LETMD1: variants seen among roughly 807,000 people sequenced by gnomAD.
LETMD1 encodes LETM1 domain-containing protein 1.
Under a neutral mutation model 43.9 loss-of-function variants are expected in LETMD1, and 30 were observed. The observed-to-expected ratio is 0.68, with a 90% confidence interval of 0.51 to 0.93. The LOEUF (loss-of-function observed/expected upper bound fraction) is 0.93. Among genes scored for constraint, LETMD1 ranks in the 40% least tolerant of loss-of-function variants. The probability of loss-of-function intolerance (pLI) is 0.00; values close to 1 mark genes in which losing one functional copy is unlikely to be tolerated. For synonymous variants in LETMD1, 176 were observed against 163.1 expected, an observed-to-expected ratio of 1.08 and a Z score of -0.60; for missense variants, 413 against 447.7, an observed-to-expected ratio of 0.92 and a Z score of 0.70.
intron 4 of LETMD1, 40 bp from the exon 5 acceptor site, chr12:51,055,795 C>G (rs763447360): frequency 3.0e-5 from 44 of 1,474,604 alleles, no homozygotes; most frequent in Non-Finnish European, 4.0e-5. Flanking sequence ...TGAAAGAAGC[C>G]AGTTTCAGCA....
chr12:51,068,205 G>A, the LETMD1 span, among the ~76,000 whole-genome samples: 2 of 152,086 alleles, frequency 1.3e-5, no homozygotes, highest in African/African-American at 2.4e-5. Flanking sequence ...TCGTCCAGGC[G>A]GGAGTGCAGT....
At chr12:51,067,572 G>A in the LETMD1 span, 1 of 1,161,132 alleles carries the variant, frequency 8.6e-7, no homozygotes, top group South Asian at 1.4e-5. The surrounding 1 kb of genome is among the most constrained non-coding windows in gnomAD (Gnocchi z 4.1). Context: ...CACAACCATA[G>A]GGAATCCACC....
At chr12:51,055,598 G>A (rs1046734431) in intron 4 of LETMD1, 2 of 374,930 alleles carry the variant, frequency 5.3e-6, no homozygotes, top group East Asian at 4.6e-5. Flanking sequence ...CTAGGAGGTC[G>A]AGGCTGCAGT....
At position 51,048,470 on chromosome 12, in the gene LETMD1, G is replaced by A. The variant is rs1400631693; in HGVS notation, c.114G>A (p.Gly38=). ...LQLGRSGLAW[G]APRSSKLHLS... is the part of the protein sequence containing the mutation. ...TTGGTCGCTCTGGCCTGGCTTGGGG[G>A]GCCCCTCGGTGAGGGACCTGTAGCG... Residue 38 remains glycine (G), a synonymous_variant, in exon 1 of 9, where the codon GGG becomes GGA. Coordinates refer to ENST00000262055, the MANE Select transcript of LETMD1 (RefSeq NM_015416.5). 1 of 1,613,490 alleles carries A rather than the reference G, an allele frequency of 6.2e-7. No homozygotes were observed. Among genetic ancestry groups the A allele is most frequent in the African/African-American group, 1.3e-5 (1 of 74,914 alleles).
intron 6 of LETMD1, 46 bp downstream of exon 6, chr12:51,056,291 C>A: frequency 6.2e-7 from 1 of 1,613,376 alleles, no homozygotes; most frequent in East Asian, 2.2e-5. Flanking sequence ...CACCATGTTT[C>A]AGGTGTTTGC....
At chr12:51,060,920 A>AAAG (rs1201228427), downstream of LETMD1, among the ~76,000 whole-genome samples, 1 of 151,718 alleles carries the variant, frequency 6.6e-6, no homozygotes, top group East Asian at 1.9e-4. Flanking sequence ...AAAAAAAAAA[A>AAAG]AAGTTAATGG....
chr12:51,062,249 T>C (rs898259751), downstream of LETMD1: 34 of 151,854 alleles, frequency 2.2e-4, no homozygotes, highest in African/African-American at 7.7e-4. Flanking sequence ...TAAGTAGGAG[T>C]AGTGTCTCCC....
intron 7 of LETMD1, 37 bp downstream of exon 7, chr12:51,056,539 G>T: frequency 1.2e-6 from 2 of 1,613,148 alleles, no homozygotes; most frequent in Non-Finnish European, 1.7e-6. Context: ...CTCAACCCTT[G>T]GTGTGCTTTT....
At chr12:51,067,412 G>A in the LETMD1 span, among the ~76,000 whole-genome samples, 25 of 152,210 alleles carry the variant, frequency 1.6e-4, no homozygotes, top group Middle Eastern at 0.014. This position sits in a 1 kb window ranked among gnomAD's most constrained non-coding sequence, Gnocchi z 4.1. Flanking sequence ...TGTGAACTCA[G>A]CTCACTGCAG....
At chr12:51,055,161 A>G (rs1019114392) in intron 4 of LETMD1, among the ~76,000 whole-genome samples, 4 of 152,060 alleles carry the variant, frequency 2.6e-5, no homozygotes, top group South Asian at 2.1e-4. Flanking sequence ...ACTGTGCTAT[A>G]GTTAGATTGT....
chr12:51,064,478 G>A, downstream of LETMD1: 1 of 1,609,472 alleles, frequency 6.2e-7, no homozygotes, highest in Non-Finnish European at 8.5e-7. Context: ...CTGTCAGGCT[G>A]CAACTGGCAG....
the LETMD1 span, among the ~76,000 whole-genome samples, chr12:51,065,890 AGAGT>A: frequency 6.6e-6 from 1 of 152,234 alleles, no homozygotes; most frequent in African/African-American, 2.4e-5. Context: ...AAATAAAGAA[AGAGT>A]GAGTTAGGAG....
chr12:51,056,374 C>G lies in LETMD1; in HGVS notation c.787C>G (p.Leu263Val), dbSNP rs1313494181. 1 of 1,614,250 alleles carries G rather than the reference C, an allele frequency of 6.2e-7. No individual in the cohort carries two copies. Among genetic ancestry groups the G allele is most frequent in the East Asian group, 2.2e-5 (1 of 44,892 alleles). Residue 263 changes from leucine to valine, a missense_variant, in exon 7 of 9, where the codon CTC becomes GTC. Transcript: ENST00000262055. ...HVKALSRAML[L>V]TSYLPPPLLR... The stretch of plus-strand genomic sequence containing the variant: ...GAAAGCCTTGAGCCGGGCCATGCTT[C>G]TCACATCTTACCTGCCTCCTCCCTT...
In LETMD1 at chr12:51,048,341, T is replaced by C. The variant is rs765974981; in HGVS notation, c.-16T>C. 6.2e-7 allele frequency: 1 copy of C among 1,613,986 alleles called. No individual in the cohort carries two copies. Among genetic ancestry groups the C allele is most frequent in the South Asian group, 1.1e-5 (1 of 91,068 alleles). The stretch of plus-strand genomic sequence containing the variant: ...CCAAAGACAACCTCTTCTCTCCCGC[T>C]TCTCTCGCTGTGAAGATGGCGCTCT... On this transcript the variant is annotated 5_prime_UTR_variant, in exon 1 of 9. Transcript: ENST00000262055.
intron 2 of LETMD1, among the ~76,000 whole-genome samples, chr12:51,051,565 G>T (rs982257509): frequency 4.6e-5 from 7 of 152,074 alleles, no homozygotes; most frequent in Admixed American, 2.6e-4. Context: ...AAATTAGCCA[G>T]GCATGGTGGC....
downstream of LETMD1, chr12:51,064,325 C>G (rs762329617): frequency 6.2e-7 from 1 of 1,614,142 alleles, no homozygotes; most frequent in Non-Finnish European, 8.5e-7. Flanking sequence ...TCTCGATGCT[C>G]GAGTCCAGGC....
At chr12:51,066,701 T>C in the LETMD1 span, among the ~76,000 whole-genome samples, 1 of 152,218 alleles carries the variant, frequency 6.6e-6, no homozygotes, top group South Asian at 2.1e-4. Context: ...ACTATGGTTT[T>C]AAGCTCTGCT....
At chr12:51,057,056 C>CT (rs1397178105) in intron 7 of LETMD1, 1 of 152,918 alleles carries the variant, frequency 6.5e-6, no homozygotes, top group Non-Finnish European at 1.5e-5. Flanking sequence ...CCGTGAACCA[C>CT]TGTGCCCGGC....
chr12:51,053,165 G>T (rs1592607385), intron 3 of LETMD1, among the ~76,000 whole-genome samples: 2 of 152,114 alleles, frequency 1.3e-5, no homozygotes, highest in Non-Finnish European at 2.9e-5. Context: ...GTAGTATTTG[G>T]TGGTGACTTG....
Sources: allele counts gnomAD v4.1 joint callset (sites outside exome capture counted in the v4.1 genomes callset), GRCh38; gene constraint gnomAD v4.1.1; non-coding constraint Gnocchi (gnomAD v3.1); transcripts MANE v1.5; gene names NCBI Gene and HGNC (gene_info 2026-07-23, HGNC 2026-07-21).